The following DDX47 variants were observed in gnomAD, a reference collection of about 807,000 sequenced individuals.
The protein encoded by DDX47 is probable ATP-dependent RNA helicase DDX47.
DDX47 carries 60 observed loss-of-function variants against 58.8 expected under a neutral mutation model. The observed-to-expected ratio is 1.02, with a 90% confidence interval of 0.83 to 1.26. The LOEUF (loss-of-function observed/expected upper bound fraction) is 1.26, where lower values mean the gene tolerates loss of function less well. Ranked by LOEUF, DDX47 falls within the 50% of genes most tolerant of loss-of-function variation. The pLI is 0.00. For synonymous variants in DDX47, 197 were observed against 204.6 expected (o/e 0.96, Z 0.32); for missense variants, 530 against 573.2 (o/e 0.92, Z 0.77).
chr12:12,816,515 T>C (rs548037346), intron 2 of DDX47, among the ~76,000 whole-genome samples: 4 of 151,974 alleles, frequency 2.6e-5, no homozygotes, highest in Non-Finnish European at 4.4e-5. Flanking sequence ...AGGAAAAAAA[T>C]ACCCAGTTGG....
chr12:12,824,824 A>G, intron 9 of DDX47, 147 bp downstream of exon 9: 5 of 768,562 alleles, frequency 6.5e-6, no homozygotes, highest in Non-Finnish European at 8.3e-6. Flanking sequence ...GTTCATTCAC[A>G]TCATCTTGCA....
Position 12,823,238 on chromosome 12 carries a change from T to C in DDX47, c.669T>C (p.Pro223=). 1 of 1,614,046 alleles carries C rather than the reference T, an allele frequency of 6.2e-7. No individual in the cohort carries two copies. The change falls in exon 7 of 12, where the codon CCT becomes CCC. Residue 223 remains proline, a synonymous_variant. Coordinates refer to ENST00000358007, the MANE Select transcript of DDX47 (RefSeq NM_016355.4). ...QKLQRAALKN[P]VKCAVSSKYQ... is the part of the protein sequence containing the mutation. The stretch of plus-strand genomic sequence containing the variant: ...TTCAGCGAGCAGCTCTGAAGAATCC[T>C]GTGAAATGTGCCGTTTCCTCTAAAT...
At chr12:12,824,381 C>T in intron 8 of DDX47, 159 bp from the exon 9 acceptor site, 4 of 669,042 alleles carry the variant, frequency 6.0e-6, no homozygotes, top group South Asian at 2.6e-5. Flanking sequence ...TTTTTTGTTG[C>T]TTCCATATTT....
chr12:12,823,531 G>A, intron 7 of DDX47: 2 of 571,944 alleles, frequency 3.5e-6, no homozygotes, highest in East Asian at 2.9e-5. Flanking sequence ...AGGTCATGAT[G>A]TAATCATATA....
At chr12:12,816,263 T>C (rs61913644) in intron 2 of DDX47, among the ~76,000 whole-genome samples, 9,073 of 152,264 alleles carry the variant, frequency 0.06, 406 homozygotes, top group East Asian at 0.23. Context: ...CCAGGATGGA[T>C]AAGTTCTGAA....
chr12:12,816,336 A>G (rs751444189), intron 2 of DDX47, among the ~76,000 whole-genome samples: 3 of 152,186 alleles, frequency 2.0e-5, no homozygotes, highest in Non-Finnish European at 4.4e-5. Flanking sequence ...AATTGCTAGG[A>G]GAGTGGATCT....
chr12:12,813,551 C>A, intron 1 of DDX47, 97 bp downstream of exon 1: 1 of 1,113,012 alleles, frequency 9.0e-7, no homozygotes, highest in Non-Finnish European at 1.3e-6. Context: ...TGTACAAAAG[C>A]ATCTTGGGGC....
intron 9 of DDX47, 104 bp downstream of exon 9, chr12:12,824,781 T>TC: frequency 7.7e-7 from 1 of 1,303,524 alleles, no homozygotes; most frequent in South Asian, 1.4e-5. Flanking sequence ...TCCTGGTTAA[T>TC]TAAGTATCAA....
At chr12:12,827,472 G>A (rs1863069680) in intron 11 of DDX47, 97 bp downstream of exon 11, 3 of 1,385,212 alleles carry the variant, frequency 2.2e-6, no homozygotes, top group African/African-American at 1.5e-5. Flanking sequence ...CAGAAGCTGG[G>A]TATTATTTTA....
chr12:12,824,356 T>C (rs1421716031), intron 8 of DDX47, 184 bp from the exon 9 acceptor site: 5 of 610,900 alleles, frequency 8.2e-6, no homozygotes, highest in Non-Finnish European at 1.4e-5. Context: ...TTTTGTATCA[T>C]ATATATTTTT....
chr12:12,824,428 G>T, intron 8 of DDX47, 112 bp from the exon 9 acceptor site: 1 of 1,248,962 alleles, frequency 8.0e-7, no homozygotes, highest in Non-Finnish European at 1.1e-6. Flanking sequence ...AAAACTTAGG[G>T]GGAAAAACCT....
At position 12,823,252 on chromosome 12, in the gene DDX47, T is replaced by C. The variant is rs373805141; in HGVS notation, c.683T>C (p.Val228Ala). 2 of 1,613,962 alleles carry C rather than the reference T, an allele frequency of 1.2e-6. No homozygotes were observed. Among genetic ancestry groups the C allele is most frequent in the African/African-American group, 2.7e-5 (2 of 74,922 alleles). Residue 228 changes from valine (V) to alanine (A), a missense_variant, in exon 7 of 12, where the codon GTT (valine) becomes GCT (alanine). Coordinates refer to ENST00000358007, the MANE Select transcript of DDX47 (RefSeq NM_016355.4). ...CTGAAGAATCCTGTGAAATGTGCCG[T>C]TTCCTCTAAATACCAGACAGTTGAA... ...AALKNPVKCAVSSKYQTVEKL... is the reference protein window; with the variant it reads ...AALKNPVKCAASSKYQTVEKL...
At chr12:12,819,453 C>T (rs144183693) in intron 2 of DDX47, among the ~76,000 whole-genome samples, 79 of 151,572 alleles carry the variant, frequency 5.2e-4, no homozygotes, top group African/African-American at 1.9e-3. Flanking sequence ...TAAGTCTCAT[C>T]GATTATTCTG....
intron 11 of DDX47, 133 bp from the exon 12 acceptor site, chr12:12,829,290 G>A: frequency 1.1e-6 from 1 of 886,828 alleles, no homozygotes; most frequent in Non-Finnish European, 1.6e-6. Context: ...TTTGGAGTTG[G>A]GTCTTGTTCC....
intron 10 of DDX47, among the ~76,000 whole-genome samples, chr12:12,826,626 T>C (rs1863056270): frequency 6.6e-6 from 1 of 152,054 alleles, no homozygotes; most frequent in African/African-American, 2.4e-5. Context: ...TAAAAAATAT[T>C]TTTAGTAGAG....
chr12:12,822,618 A>G (rs761475753), intron 5 of DDX47, 43 bp from the exon 6 acceptor site: 12 of 1,538,506 alleles, frequency 7.8e-6, no homozygotes, highest in African/African-American at 1.4e-5. Flanking sequence ...CAGCTCTTCC[A>G]GTCTGAATAT....
At chr12:12,819,838 C>G (rs1443701049) in intron 2 of DDX47, among the ~76,000 whole-genome samples, 7 of 152,136 alleles carry the variant, frequency 4.6e-5, no homozygotes, top group African/African-American at 1.4e-4. Context: ...GAATCTCATT[C>G]CTGTGCTCAT....
In DDX47 at chr12:12,826,043, C is replaced by T. The variant is rs776407507; in HGVS notation, c.1079C>T (p.Ser360Phe). The change falls in exon 10 of 12, where the codon TCC (serine) becomes TTC (phenylalanine). Residue 360 changes from serine (S) to phenylalanine (F), a missense_variant. Physicochemically the swap from Ser to Phe is radical, Grantham distance 155 (BLOSUM62 -2). Coordinates refer to ENST00000358007, the MANE Select transcript of DDX47 (RefSeq NM_016355.4). ...RVGRTARAGR[S>F]GKAITFVTQY... Reference sequence around the variant, plus strand: ...GGTCGAACAGCTAGAGCTGGGCGCTCCGGAAAGGCTATTACTTTTGTCACA... The same window carrying T: ...GGTCGAACAGCTAGAGCTGGGCGCTTCGGAAAGGCTATTACTTTTGTCACA... 1 of 1,613,576 alleles carries T rather than the reference C, an allele frequency of 6.2e-7. No homozygotes were observed. The highest frequency in any genetic ancestry group is 1.3e-5 in the African/African-American group (1 of 74,890).
chr12:12,826,166 A>C, intron 10 of DDX47, 96 bp downstream of exon 10: 1 of 944,716 alleles, frequency 1.1e-6, no homozygotes. Flanking sequence ...TACTACACTA[A>C]TCACTTTCAT....
Sources: allele counts gnomAD v4.1 joint callset (sites outside exome capture counted in the v4.1 genomes callset), GRCh38; gene constraint gnomAD v4.1.1; transcripts MANE v1.5; gene names NCBI Gene and HGNC (gene_info 2026-07-23, HGNC 2026-07-21).